The following MSRA variants were observed in gnomAD, a reference collection of about 807,000 sequenced individuals.
The protein encoded by MSRA is mitochondrial peptide methionine sulfoxide reductase.
MSRA carries 54 observed loss-of-function variants against 31.3 expected under a neutral mutation model. The ratio of observed to expected loss-of-function variants is 1.73; its 90% CI spans 1.39 to 2.17. The LOEUF (loss-of-function observed/expected upper bound fraction) is 2.17. Ranked by LOEUF, MSRA falls within the 30% of genes most tolerant of loss-of-function variation. MSRA has a pLI of 0.00. For synonymous variants in MSRA, 169 were observed against 116.5 expected, an observed-to-expected ratio of 1.45 and a Z score of -2.90; for missense variants, 507 against 300.9, an observed-to-expected ratio of 1.69 and a Z score of -5.07.
intron 1 of MSRA, among the ~76,000 whole-genome samples, chr8:10,113,036 C>T (rs1398180284): frequency 6.6e-6 from 1 of 152,162 alleles, no homozygotes; most frequent in Non-Finnish European, 1.5e-5. Flanking sequence ...TGCATATTCT[C>T]TGTCTGCAGC....
intron 5 of MSRA, among the ~76,000 whole-genome samples, chr8:10,378,902 C>G (rs1364731668): frequency 6.6e-6 from 1 of 152,226 alleles, no homozygotes; most frequent in Non-Finnish European, 1.5e-5. Flanking sequence ...AAAACACCAA[C>G]TTAGCAATAA....
In MSRA at chr8:10,341,901, C is replaced by T. The variant is rs566351465; in HGVS notation, c.543+21912C>T. On this transcript the variant is annotated intron_variant, in intron 5 of 5. Transcript: ENST00000317173. ...AAGGCATGGCTCGGGACAGTGCCAG[C>T]TAAGATACATCTAGAACCCCATTTT... 2.6e-5 allele frequency among the ~76,000 whole-genome samples: 4 copies of T among 152,304 alleles called. No homozygotes were observed. The East Asian group carries it at 7.7e-4, about 29-fold the overall frequency.
At chr8:10,278,826 C>A (rs906878977) in intron 3 of MSRA, among the ~76,000 whole-genome samples, 7 of 152,108 alleles carry the variant, frequency 4.6e-5, no homozygotes, top group Non-Finnish European at 1.0e-4. Flanking sequence ...TTCAAAGGAC[C>A]TGGGCATCTC....
At chr8:10,061,666 C>G (rs191031598) in intron 1 of MSRA, among the ~76,000 whole-genome samples, 1 of 152,138 alleles carries the variant, frequency 6.6e-6, no homozygotes, top group African/African-American at 2.4e-5. Context: ...TGGTTAATGC[C>G]TGAGAACAAA....
intron 4 of MSRA, among the ~76,000 whole-genome samples, chr8:10,315,678 A>T (rs1563341306): frequency 1.3e-5 from 2 of 152,234 alleles, no homozygotes; most frequent in Non-Finnish European, 2.9e-5. Context: ...CAATGTAAGC[A>T]TGTTGTAAAT....
chr8:10,391,335 G>A (rs1345398900), intron 5 of MSRA, among the ~76,000 whole-genome samples: 2 of 152,164 alleles, frequency 1.3e-5, no homozygotes, highest in Non-Finnish European at 2.9e-5. Flanking sequence ...ACTTAAGTCA[G>A]AGTTTCTTCA....
intron 2 of MSRA, among the ~76,000 whole-genome samples, chr8:10,228,045 C>G (rs1321851452): frequency 2.6e-5 from 4 of 152,192 alleles, no homozygotes; most frequent in African/African-American, 9.6e-5. Context: ...TGCTGGATAG[C>G]TGACCAGAAG....
At chr8:10,152,933 T>G (rs890171707) in intron 1 of MSRA, among the ~76,000 whole-genome samples, 2 of 152,144 alleles carry the variant, frequency 1.3e-5, no homozygotes, top group Admixed American at 1.3e-4. Context: ...GTAATTCCAC[T>G]GAGTCGAGGT....
rs1014943303 is a variant in MSRA at position 10,143,768 on chromosome 8, C to T, written c.143-64065C>T. On this transcript the variant is annotated intron_variant, in intron 1 of 5. Coordinates refer to ENST00000317173, the MANE Select transcript of MSRA (RefSeq NM_012331.5). ...CATGGGAAGGGCAAGCACCATTTTG[C>T]GTCACTGCAAACCTGACTCTTCAGA... Among the ~76,000 whole-genome samples, 3 of 152,154 alleles carry T rather than the reference C, an allele frequency of 2.0e-5. No homozygotes were observed. The East Asian group carries it at 5.8e-4, about 29-fold the overall frequency.
intron 1 of MSRA, among the ~76,000 whole-genome samples, chr8:10,139,878 CAGTGTTGTGTGTAA>C (rs1253367192): frequency 1.3e-5 from 2 of 152,304 alleles, no homozygotes; most frequent in African/African-American, 4.8e-5. Context: ...TTGTTTTCCT[CAGTGTTGTGTGTAA>C]AGTGCCCATA....
intron 4 of MSRA, among the ~76,000 whole-genome samples, chr8:10,318,894 A>G (rs560880703): frequency 1.5e-4 from 23 of 152,350 alleles, no homozygotes; most frequent in South Asian, 1.2e-3. Context: ...TTTTGCAAGC[A>G]GTAGCAGTTC....
chr8:10,303,060 G>C (rs761610489), intron 4 of MSRA, among the ~76,000 whole-genome samples: 6 of 152,232 alleles, frequency 3.9e-5, no homozygotes, highest in African/African-American at 1.4e-4. Context: ...TGGAGCAGAC[G>C]TTCAGCCATT....
At chr8:10,363,257 T>C (rs888951198) in intron 5 of MSRA, among the ~76,000 whole-genome samples, 2 of 152,230 alleles carry the variant, frequency 1.3e-5, no homozygotes, top group Non-Finnish European at 2.9e-5. Flanking sequence ...AACCAAGTTC[T>C]TTGGCAACTG....
At chr8:10,413,992 C>G (rs1315265875) in intron 5 of MSRA, among the ~76,000 whole-genome samples, 1 of 151,992 alleles carries the variant, frequency 6.6e-6, no homozygotes, top group Non-Finnish European at 1.5e-5. Flanking sequence ...TAGCGAGACC[C>G]CATCTCTACA....
Position 10,354,155 on chromosome 8 carries a change from T to G in MSRA, c.543+34166T>G, listed in dbSNP as rs148712832. ...TAGCATTAGAGTTTAAGTTTATCAT[T>G]TGCTTTTTGTTTGTAAGCCCTGAAT... On this transcript the variant is annotated intron_variant, in intron 5 of 5. Transcript: ENST00000317173. Among the ~76,000 whole-genome samples, 213 of 152,388 alleles carry G rather than the reference T, an allele frequency of 1.4e-3. 1 individual carries two copies. The highest frequency in any genetic ancestry group is 5.0e-3 in the Admixed American group (77 of 15,312).
chr8:10,268,894 C>T (rs1759829698), intron 3 of MSRA, among the ~76,000 whole-genome samples: 1 of 152,242 alleles, frequency 6.6e-6, no homozygotes, highest in South Asian at 2.1e-4. Flanking sequence ...CATTAAAACA[C>T]AACTTGATAG....
chr8:10,372,668 T>G (rs1008973181), intron 5 of MSRA, among the ~76,000 whole-genome samples: 3 of 152,082 alleles, frequency 2.0e-5, no homozygotes, highest in African/African-American at 7.2e-5. Flanking sequence ...AAAACCATAA[T>G]GAGTAACAGT....
intron 1 of MSRA, among the ~76,000 whole-genome samples, chr8:10,152,789 T>A (rs1450173963): frequency 3.3e-5 from 5 of 152,206 alleles, no homozygotes; most frequent in Admixed American, 6.5e-5. Flanking sequence ...GTAGACAGAA[T>A]GTGGTCTATC....
At chr8:10,216,159 A>T (rs941933822) in intron 2 of MSRA, among the ~76,000 whole-genome samples, 26 of 152,190 alleles carry the variant, frequency 1.7e-4, no homozygotes, top group African/African-American at 6.3e-4. Flanking sequence ...CCAGCCATTT[A>T]TCTTGGGACT....
Sources: gnomAD v4.1 joint callset for allele counts (sites outside exome capture counted in the v4.1 genomes callset) on GRCh38, gnomAD v4.1.1 for gene constraint, MANE v1.5 for transcripts, NCBI Gene and HGNC (gene_info 2026-07-23, HGNC 2026-07-21) for gene names.